Variants in NTRK3 observed in about 807,000 individuals in gnomAD.
NTRK3 encodes the protein neurotrophic receptor tyrosine kinase 3.
In NTRK3, 24 loss-of-function variants were observed where a neutral mutation model predicts 91.7. The ratio of observed to expected loss-of-function variants is 0.26; its 90% CI spans 0.19 to 0.37. The LOEUF (loss-of-function observed/expected upper bound fraction) is 0.37. Among genes scored for constraint, NTRK3 ranks in the 10% least tolerant of loss-of-function variants. The pLI, the probability that NTRK3 is intolerant of heterozygous loss-of-function variation, is 1.00. For synonymous variants in NTRK3, 483 were observed against 404.0 expected (o/e 1.20, Z -2.34); for missense variants, 880 against 1,068.9 (o/e 0.82, Z 2.46).
chr15:87,884,398 G>C (rs1247272547), intron 17 of NTRK3, among the ~76,000 whole-genome samples: 2 of 151,550 alleles, frequency 1.3e-5, no homozygotes, highest in Non-Finnish European at 3.0e-5. Context: ...TTCTATTAAA[G>C]TTTTCTGTCT....
intron 16 of NTRK3, among the ~76,000 whole-genome samples, chr15:87,932,235 C>A (rs1450336193): frequency 4.6e-5 from 7 of 152,132 alleles, no homozygotes; most frequent in Admixed American, 1.3e-4. Context: ...TCGGAGAAAC[C>A]CTTCTTACAA....
chr15:87,928,872 C>T lies in NTRK3; in HGVS notation c.2133+319G>A, dbSNP rs910991526. ...GTGTGTCTGTGTGTGTGTTTGGGCA[C>T]ATACATATACATGTATGAGTATGTT... On this transcript the variant is annotated intron_variant, in intron 17 of 18. Coordinates refer to ENST00000394480, the Ensembl canonical transcript of NTRK3. The T allele has an allele frequency of 9.3e-6, 5 of 536,888 alleles. No homozygotes were observed. The African/African-American group carries it at 9.5e-5, about 10-fold the overall frequency. 33.3% of individuals were successfully genotyped at this position (536,888 alleles called of 1,614,324 possible).
chr15:87,996,712 T>C (rs530748279), intron 14 of NTRK3, among the ~76,000 whole-genome samples: 1 of 152,170 alleles, frequency 6.6e-6, no homozygotes, highest in Non-Finnish European at 1.5e-5. Flanking sequence ...GGCAAGCCAC[T>C]TGCTATTAAA....
intron 14 of NTRK3, among the ~76,000 whole-genome samples, chr15:87,976,729 G>T (rs1054448352): frequency 2.0e-5 from 3 of 152,218 alleles, no homozygotes; most frequent in Non-Finnish European, 4.4e-5. Context: ...TGCCATGAGA[G>T]TGTGGCTCAC....
chr15:87,975,650 T>G (rs1445199026), intron 14 of NTRK3, among the ~76,000 whole-genome samples: 1 of 152,092 alleles, frequency 6.6e-6, no homozygotes, highest in African/African-American at 2.4e-5. Flanking sequence ...CTGGGGTAAA[T>G]GCCATGAGAC....
chr15:88,221,191 A>C (rs968145244), intron 3 of NTRK3, among the ~76,000 whole-genome samples: 2 of 152,208 alleles, frequency 1.3e-5, no homozygotes, highest in African/African-American at 4.8e-5. Context: ...AAAACATATA[A>C]AGAAAAGTAA....
At chr15:88,168,481 C>T (rs1439628268) in intron 5 of NTRK3, among the ~76,000 whole-genome samples, 1 of 152,186 alleles carries the variant, frequency 6.6e-6, no homozygotes, top group African/African-American at 2.4e-5. Context: ...TATTTAAGGC[C>T]ATGTCTGACT....
rs1598104597 is a variant in NTRK3 at position 88,235,729 on chromosome 15, C to T, written c.248+20177G>A. ...CTTGGGCTGAGGACCCCAGAAGGTG[C>T]CCTTGAGAAGTCAGTCATCTGTTTT... On this transcript the variant is annotated intron_variant, in intron 3 of 18. Coordinates refer to ENST00000394480, the Ensembl canonical transcript of NTRK3. The surrounding 1 kb of genome is among the most constrained non-coding windows in gnomAD (Gnocchi z 5.2). 6.6e-6 allele frequency among the ~76,000 whole-genome samples: 1 copy of T among 152,182 alleles called. No homozygotes were observed. Among genetic ancestry groups the T allele is most frequent in the Admixed American group, 6.5e-5 (1 of 15,284 alleles).
intron 7 of NTRK3, 68 bp from the exon 8 acceptor site, chr15:88,136,677 G>T (rs2041908104): frequency 3.2e-6 from 5 of 1,559,024 alleles, no homozygotes; most frequent in East Asian, 2.3e-5. Flanking sequence ...CTCTGTCCAT[G>T]GGGCTGATGG....
chr15:88,184,406 C>A (rs938013623), intron 3 of NTRK3, 107 bp from the exon 4 acceptor site: 5 of 1,095,024 alleles, frequency 4.6e-6, no homozygotes, highest in Non-Finnish European at 6.8e-6. Context: ...AATTGATTGC[C>A]AGGCCTTTTG....
At chr15:88,079,159 G>C (rs1234473670) in intron 13 of NTRK3, among the ~76,000 whole-genome samples, 3 of 152,184 alleles carry the variant, frequency 2.0e-5, no homozygotes, top group Non-Finnish European at 4.4e-5. Flanking sequence ...GGAACTAGGT[G>C]GTACTTGTGG....
At chr15:88,091,266 C>A (rs1250059158) in intron 13 of NTRK3, among the ~76,000 whole-genome samples, 2 of 152,214 alleles carry the variant, frequency 1.3e-5, no homozygotes, top group Non-Finnish European at 2.9e-5. Context: ...AGGGCAGATT[C>A]TCTTAAAGCT....
At chr15:87,913,290 T>G (rs1281529446) in intron 17 of NTRK3, among the ~76,000 whole-genome samples, 1 of 152,012 alleles carries the variant, frequency 6.6e-6, no homozygotes, top group East Asian at 1.9e-4. Context: ...CTGAATATGA[T>G]CCTTCAACAC....
chr15:88,081,424 C>T (rs2048031082), intron 13 of NTRK3, among the ~76,000 whole-genome samples: 1 of 152,222 alleles, frequency 6.6e-6, no homozygotes, highest in Non-Finnish European at 1.5e-5. Context: ...TCCTCAATCC[C>T]ACTGACCGAC....
At chr15:87,909,865 G>A (rs897788895) in intron 17 of NTRK3, among the ~76,000 whole-genome samples, 4 of 152,180 alleles carry the variant, frequency 2.6e-5, no homozygotes, top group South Asian at 2.1e-4. Flanking sequence ...GACAAAGAGC[G>A]AGGCCTCTGA....
chr15:87,993,924 A>G (rs1476330513), intron 14 of NTRK3, among the ~76,000 whole-genome samples: 1 of 152,218 alleles, frequency 6.6e-6, no homozygotes, highest in African/African-American at 2.4e-5. Flanking sequence ...AAGCTTACCT[A>G]AAAATAATTT....
intron 13 of NTRK3, among the ~76,000 whole-genome samples, chr15:88,070,188 G>A (rs890565290): frequency 2.6e-5 from 4 of 152,162 alleles, no homozygotes; most frequent in Non-Finnish European, 5.9e-5. Flanking sequence ...CGAATGAGAA[G>A]AGGAGAAAAG....
chr15:87,926,369 A>G (rs926514638), intron 17 of NTRK3, among the ~76,000 whole-genome samples: 3 of 152,158 alleles, frequency 2.0e-5, no homozygotes, highest in African/African-American at 7.2e-5. Flanking sequence ...CAGATTTCCA[A>G]TGGTGTGCTG....
intron 10 of NTRK3, among the ~76,000 whole-genome samples, chr15:88,130,197 A>C (rs1248453779): frequency 6.6e-6 from 1 of 152,234 alleles, no homozygotes; most frequent in Non-Finnish European, 1.5e-5. Context: ...ATGAATTACC[A>C]GCCATAGAAC....
Sources: allele counts gnomAD v4.1 joint callset (sites outside exome capture counted in the v4.1 genomes callset), GRCh38; gene constraint gnomAD v4.1.1; non-coding constraint Gnocchi (gnomAD v3.1); transcripts MANE v1.5; gene names NCBI Gene and HGNC (gene_info 2026-07-23, HGNC 2026-07-21).